The following IL1RAPL1 variants were observed in gnomAD, a reference collection of about 807,000 sequenced individuals.
IL1RAPL1 encodes interleukin-1 receptor accessory protein-like 1.
IL1RAPL1 carries 3 observed loss-of-function variants against 48.4 expected under a neutral mutation model. That is an observed-to-expected ratio of 0.06 (90% CI 0.03 to 0.16). The LOEUF (loss-of-function observed/expected upper bound fraction) is 0.16, where lower values mean the gene tolerates loss of function less well. IL1RAPL1 is among the 10% of genes least tolerant of loss of function. The pLI is 1.00. For missense variants in IL1RAPL1, 349 were observed against 530.6 expected (o/e 0.66, Z 3.36); for synonymous variants, 185 against 187.7 (o/e 0.99, Z 0.12).
intron 2 of IL1RAPL1, among the ~76,000 whole-genome samples, chrX:28,931,316 A>G (rs1269394286): frequency 8.9e-6 from 1 of 112,192 alleles, no homozygotes; most frequent in Admixed American, 9.5e-5. Context: ...AAAAAATTTC[A>G]ACTGAATTTG....
chrX:29,330,893 G>A (rs1445544720), intron 3 of IL1RAPL1, among the ~76,000 whole-genome samples: 3 of 111,985 alleles, frequency 2.7e-5, no homozygotes, highest in Middle Eastern at 9.2e-3. Context: ...GAGGCCGGGA[G>A]TGGTGGCTCA....
intron 5 of IL1RAPL1, among the ~76,000 whole-genome samples, chrX:29,424,318 GAA>G (rs10711871): frequency 0.42 from 41,587 of 98,177 alleles, 6,861 homozygotes; most frequent in East Asian, 0.55. Context: ...AGGCTGGAAA[GAA>G]AAAAAAAAAA....
At chrX:29,674,238 T>C (rs1334587124) in intron 6 of IL1RAPL1, among the ~76,000 whole-genome samples, 1 of 111,107 alleles carries the variant, frequency 9.0e-6, no homozygotes, top group African/African-American at 3.3e-5. Context: ...ATCAGCCTGG[T>C]CAATATAGTG....
intron 2 of IL1RAPL1, among the ~76,000 whole-genome samples, chrX:29,050,592 G>A (rs951907477): frequency 4.4e-5 from 5 of 112,411 alleles, no homozygotes; most frequent in African/African-American, 1.6e-4. Flanking sequence ...ATATGGCAAT[G>A]CTTAGCACAG....
chrX:28,712,136 G>A (rs1234566703), intron 1 of IL1RAPL1, among the ~76,000 whole-genome samples: 2 of 111,147 alleles, frequency 1.8e-5, no homozygotes, highest in Non-Finnish European at 3.8e-5. Flanking sequence ...GGGTGGTTAA[G>A]TATGGGCTAG....
At chrX:28,927,356 A>AT (rs1028901212) in intron 2 of IL1RAPL1, among the ~76,000 whole-genome samples, 3 of 111,500 alleles carry the variant, frequency 2.7e-5, no homozygotes, top group South Asian at 3.7e-4. Flanking sequence ...TTCAATATCA[A>AT]TTTTTTTGTG....
At chrX:29,949,738 CAA>C (rs934323846) in intron 9 of IL1RAPL1, among the ~76,000 whole-genome samples, 12 of 111,898 alleles carry the variant, frequency 1.1e-4, no homozygotes, top group African/African-American at 3.9e-4. Flanking sequence ...GTCAGCTTTT[CAA>C]AGTTTCACCA....
chrX:29,689,858 A>G (rs542349307), intron 6 of IL1RAPL1, among the ~76,000 whole-genome samples: 27 of 112,280 alleles, frequency 2.4e-4, no homozygotes, highest in Middle Eastern at 9.1e-3. Context: ...ATATACATAT[A>G]TATTCTGTTG....
In IL1RAPL1 at chrX:29,955,694, A is replaced by G; in HGVS notation, c.1965A>G (p.Thr655=). The G allele has an allele frequency of 8.3e-7, 1 of 1,211,170 alleles. No individual in the cohort carries two copies. Among genetic ancestry groups the G allele is most frequent in the Non-Finnish European group, 1.1e-6 (1 of 895,141 alleles). Residue 655 remains threonine (T), a synonymous_variant, in exon 11 of 11, where the codon ACA becomes ACG. Coordinates refer to ENST00000378993, the MANE Select transcript of IL1RAPL1 (RefSeq NM_014271.4). ...NQHTYCNIPM[T]LINGQRPQTK... The stretch of plus-strand genomic sequence containing the variant: ...ATACCTACTGTAACATCCCTATGAC[A>G]CTCATCAACGGGCAGCGGCCACAGA...
chrX:29,140,369 G>A (rs187928135), intron 2 of IL1RAPL1, among the ~76,000 whole-genome samples: 79 of 111,843 alleles, frequency 7.1e-4, no homozygotes, highest in Middle Eastern at 9.5e-3. Flanking sequence ...AAACATCTAC[G>A]ATACAGATGA....
At chrX:29,293,182 A>G (rs1932395854) in intron 3 of IL1RAPL1, among the ~76,000 whole-genome samples, 2 of 112,074 alleles carry the variant, frequency 1.8e-5, no homozygotes, top group South Asian at 3.7e-4. Context: ...AACAAATTCA[A>G]TTGATGGAAG....
At chrX:29,749,908 A>AT (rs1928420223) in intron 6 of IL1RAPL1, among the ~76,000 whole-genome samples, 1 of 111,928 alleles carries the variant, frequency 8.9e-6, no homozygotes, top group South Asian at 3.7e-4. Flanking sequence ...CTAGGCTTCT[A>AT]TCCTGACTCT....
intron 1 of IL1RAPL1, among the ~76,000 whole-genome samples, chrX:28,770,600 G>C (rs1365980352): frequency 5.3e-5 from 6 of 112,392 alleles, no homozygotes; most frequent in Non-Finnish European, 1.1e-4. Context: ...AGCTCTTAGT[G>C]GTATGATACT....
At chrX:28,755,839 G>A (rs900218408) in intron 1 of IL1RAPL1, among the ~76,000 whole-genome samples, 51 of 111,473 alleles carry the variant, frequency 4.6e-4, no homozygotes, top group African/African-American at 1.6e-3. Context: ...TACTTGGAGG[G>A]TTTGCTGAAC....
intron 5 of IL1RAPL1, among the ~76,000 whole-genome samples, chrX:29,583,625 T>C (rs1223222405): frequency 2.9e-5 from 2 of 70,073 alleles, no homozygotes; most frequent in Non-Finnish European, 5.3e-5. Flanking sequence ...ATCAATATCG[T>C]GAAAATGGCC....
At chrX:28,655,995 A>G (rs1934743884) in intron 1 of IL1RAPL1, among the ~76,000 whole-genome samples, 1 of 111,991 alleles carries the variant, frequency 8.9e-6, no homozygotes, top group Non-Finnish European at 1.9e-5. Flanking sequence ...ATTATATTAC[A>G]TCATGTAAAA....
intron 2 of IL1RAPL1, among the ~76,000 whole-genome samples, chrX:29,032,213 A>T (rs1926635264): frequency 8.9e-6 from 1 of 112,139 alleles, no homozygotes; most frequent in African/African-American, 3.2e-5. Flanking sequence ...GAATGGCACC[A>T]CTGGAATTCT....
chrX:29,410,850 A>C (rs1326355235), intron 5 of IL1RAPL1, among the ~76,000 whole-genome samples: 7 of 112,307 alleles, frequency 6.2e-5, no homozygotes, highest in Non-Finnish European at 1.3e-4. Flanking sequence ...CATGAAGTTT[A>C]GAAGTAATAG....
chrX:28,762,586 C>A (rs1936184676), intron 1 of IL1RAPL1, among the ~76,000 whole-genome samples: 2 of 110,467 alleles, frequency 1.8e-5, no homozygotes, highest in Admixed American at 1.9e-4. Context: ...CGGGCACACA[C>A]ACACTTTGCA....
Sources: allele counts gnomAD v4.1 joint callset (sites outside exome capture counted in the v4.1 genomes callset), GRCh38; gene constraint gnomAD v4.1.1; transcripts MANE v1.5; gene names NCBI Gene and HGNC (gene_info 2026-07-23, HGNC 2026-07-21).